Variants in CADPS2 observed in about 807,000 individuals in gnomAD.
CADPS2 encodes the protein calcium dependent secretion activator 2, also known as calcium-dependent secretion activator 2.
In CADPS2, 93 loss-of-function variants were observed where a neutral mutation model predicts 172.5. The ratio of observed to expected loss-of-function variants is 0.54; its 90% CI spans 0.46 to 0.64. The LOEUF (loss-of-function observed/expected upper bound fraction) is 0.64, where lower values mean the gene tolerates loss of function less well. Among genes scored for constraint, CADPS2 ranks in the 30% least tolerant of loss-of-function variants. The probability of loss-of-function intolerance (pLI) is 0.00; values close to 1 mark genes in which losing one functional copy is unlikely to be tolerated. For missense variants in CADPS2, 1,420 were observed against 1,565.9 expected, an observed-to-expected ratio of 0.91 and a Z score of 1.57; for synonymous variants, 546 against 555.2, an observed-to-expected ratio of 0.98 and a Z score of 0.23.
At position 122,438,483 on chromosome 7, in the gene CADPS2, G is replaced by A. The variant is rs1348565655; in HGVS notation, c.2353-19C>T. 2.5e-6 allele frequency: 4 copies of A among 1,611,744 alleles called. No individual in the cohort carries two copies. Among genetic ancestry groups the A allele is most frequent in the Non-Finnish European group, 3.4e-6 (4 of 1,178,628 alleles). ...TTAAAACCTACAGAGAGAGGAAGTGGAAGGGTGAGGGGCAGGGTTGGGGAT... is the reference window on the plus strand; with the variant it reads ...TTAAAACCTACAGAGAGAGGAAGTGAAAGGGTGAGGGGCAGGGTTGGGGAT... On this transcript the variant is annotated intron_variant, in intron 16 of 29. Transcript: ENST00000449022.
At chr7:122,696,247 C>T (rs985447312) in intron 2 of CADPS2, among the ~76,000 whole-genome samples, 1 of 152,078 alleles carries the variant, frequency 6.6e-6, no homozygotes, top group African/African-American at 2.4e-5. Flanking sequence ...GTCCCTCGTC[C>T]CTCAGGAAAT....
chr7:122,634,441 T>C (rs1357837000), intron 3 of CADPS2, among the ~76,000 whole-genome samples: 1 of 152,210 alleles, frequency 6.6e-6, no homozygotes, highest in African/African-American at 2.4e-5. Context: ...TCCTCCAGAT[T>C]TTCTATGTAG....
intron 2 of CADPS2, among the ~76,000 whole-genome samples, chr7:122,673,253 C>G (rs1310920206): frequency 1.3e-5 from 2 of 152,324 alleles, no homozygotes; most frequent in African/African-American, 2.4e-5. Context: ...AGCCGGTTGC[C>G]GCAGCTGGCT....
At chr7:122,345,219 C>T (rs540948985) in intron 28 of CADPS2, among the ~76,000 whole-genome samples, 14 of 152,216 alleles carry the variant, frequency 9.2e-5, no homozygotes, top group African/African-American at 3.4e-4. Context: ...TCTGCCTTCC[C>T]GGCTCAAGCG....
intron 25 of CADPS2, among the ~76,000 whole-genome samples, chr7:122,376,685 A>G (rs1262479526): frequency 6.6e-6 from 1 of 152,146 alleles, no homozygotes; most frequent in African/African-American, 2.4e-5. Context: ...ACTATTTGCT[A>G]AGAGGATTGA....
chr7:122,779,416 A>C (rs1382847867), intron 1 of CADPS2, among the ~76,000 whole-genome samples: 3 of 152,156 alleles, frequency 2.0e-5, no homozygotes, highest in Non-Finnish European at 4.4e-5. Flanking sequence ...TCAGGGAACC[A>C]AGCCCAACCA....
chr7:122,618,570 C>T (rs2075230566), intron 5 of CADPS2, among the ~76,000 whole-genome samples: 1 of 152,116 alleles, frequency 6.6e-6, no homozygotes, highest in Non-Finnish European at 1.5e-5. Flanking sequence ...TTCAAATCTG[C>T]ACTTTATTCC....
At chr7:122,343,407 G>C (rs968589312) in intron 28 of CADPS2, among the ~76,000 whole-genome samples, 1 of 152,134 alleles carries the variant, frequency 6.6e-6, no homozygotes, top group African/African-American at 2.4e-5. Flanking sequence ...TTAAACTAGT[G>C]TTATATTTTA....
intron 8 of CADPS2, among the ~76,000 whole-genome samples, chr7:122,546,195 C>T (rs896494411): frequency 1.2e-4 from 18 of 152,090 alleles, no homozygotes; most frequent in African/African-American, 7.2e-5. Context: ...ACATCTATCA[C>T]GCTAAAGCAA....
chr7:122,356,385 C>T (rs186496465), intron 27 of CADPS2, among the ~76,000 whole-genome samples: 2 of 152,170 alleles, frequency 1.3e-5, no homozygotes, highest in African/African-American at 4.8e-5. Context: ...TCATCACATC[C>T]TGTCAAAGGC....
At chr7:122,447,076 T>C (rs1004509076) in intron 15 of CADPS2, among the ~76,000 whole-genome samples, 1 of 119,400 alleles carries the variant, frequency 8.4e-6, no homozygotes, top group African/African-American at 3.1e-5. Context: ...TCCCCCACTA[T>C]AAACAAAATT....
intron 1 of CADPS2, among the ~76,000 whole-genome samples, chr7:122,770,101 G>A (rs1340793037): frequency 1.3e-5 from 2 of 152,078 alleles, no homozygotes; most frequent in African/African-American, 4.8e-5. Flanking sequence ...ATAACTGAGG[G>A]AACAAGAATT....
At chr7:122,870,095 C>T (rs1468441530) in intron 1 of CADPS2, among the ~76,000 whole-genome samples, 1 of 151,842 alleles carries the variant, frequency 6.6e-6, no homozygotes, top group East Asian at 1.9e-4. Context: ...TAAATCCTTA[C>T]CTATCAATAA....
chr7:122,652,810 C>A (rs1563969706), intron 3 of CADPS2, among the ~76,000 whole-genome samples: 1 of 151,194 alleles, frequency 6.6e-6, no homozygotes, highest in Non-Finnish European at 1.5e-5. Flanking sequence ...TGTTTTTATT[C>A]TTTTTTATGT....
chr7:122,824,826 A>C (rs1440104497), intron 1 of CADPS2, among the ~76,000 whole-genome samples: 2 of 152,172 alleles, frequency 1.3e-5, no homozygotes, highest in Non-Finnish European at 2.9e-5. Context: ...GTTACCCGGA[A>C]TTTGGAATTT....
At chr7:122,364,413 T>TAAAAAAAAA in intron 25 of CADPS2, among the ~76,000 whole-genome samples, 1 of 77,900 alleles carries the variant, frequency 1.3e-5, no homozygotes. Context: ...TGTCTCAAGT[T>TAAAAAAAAA]AAAAAAAAAA....
intron 14 of CADPS2, among the ~76,000 whole-genome samples, chr7:122,455,870 C>A (rs112436223): frequency 0.029 from 4,385 of 152,062 alleles, 129 homozygotes; most frequent in African/African-American, 0.067. Context: ...CCACACCTGG[C>A]TAATTTTGTA....
intron 14 of CADPS2, among the ~76,000 whole-genome samples, chr7:122,459,619 C>T (rs1392413438): frequency 6.6e-6 from 1 of 152,120 alleles, no homozygotes; most frequent in African/African-American, 2.4e-5. Context: ...GAAAATGATG[C>T]TATCTTGCTG....
chr7:122,481,185 T>G (rs1169703397), intron 11 of CADPS2, among the ~76,000 whole-genome samples: 2 of 116,572 alleles, frequency 1.7e-5, no homozygotes, highest in Non-Finnish European at 3.6e-5. Flanking sequence ...TTTTTTTTTT[T>G]GACGGAGTCT....
Sources: gnomAD v4.1 joint callset for allele counts (sites outside exome capture counted in the v4.1 genomes callset) on GRCh38, gnomAD v4.1.1 for gene constraint, MANE v1.5 for transcripts, NCBI Gene and HGNC (gene_info 2026-07-23, HGNC 2026-07-21) for gene names.